The following SKAP2 variants were observed in gnomAD, a reference collection of about 807,000 sequenced individuals.
The protein encoded by SKAP2 is src kinase associated phosphoprotein 2.
A neutral mutation model predicts 54.9 loss-of-function variants in SKAP2; 28 were observed. The observed-to-expected ratio is 0.51, with a 90% CI of 0.38 to 0.70. The LOEUF (loss-of-function observed/expected upper bound fraction) is 0.70, where lower values mean the gene tolerates loss of function less well. Among genes scored for constraint, SKAP2 ranks in the 30% least tolerant of loss-of-function variants. The probability of loss-of-function intolerance (pLI) is 0.00; values close to 1 mark genes in which losing one functional copy is unlikely to be tolerated. For synonymous variants in SKAP2, 137 were observed against 134.3 expected (o/e 1.02, Z -0.14); for missense variants, 356 against 424.1 (o/e 0.84, Z 1.41).
At chr7:26,750,014 G>A (rs1782646565) in intron 4 of SKAP2, among the ~76,000 whole-genome samples, 1 of 151,652 alleles carries the variant, frequency 6.6e-6, no homozygotes, top group South Asian at 2.1e-4. Context: ...AAGAGGTTAA[G>A]TATTACTAAC....
chr7:26,820,805 T>G (rs1393156577), intron 4 of SKAP2, among the ~76,000 whole-genome samples: 1 of 152,222 alleles, frequency 6.6e-6, no homozygotes, highest in Non-Finnish European at 1.5e-5. Context: ...TGTTCAAACA[T>G]GGATAAAAAT....
At chr7:26,822,711 T>TA in intron 4 of SKAP2, among the ~76,000 whole-genome samples, 1 of 145,684 alleles carries the variant, frequency 6.9e-6, no homozygotes, top group Non-Finnish European at 1.5e-5. Flanking sequence ...CCGTCTCTAC[T>TA]AAAAATACAA....
intron 4 of SKAP2, among the ~76,000 whole-genome samples, chr7:26,796,151 C>G (rs1783773248): frequency 6.6e-6 from 1 of 152,170 alleles, no homozygotes; most frequent in Non-Finnish European, 1.5e-5. Flanking sequence ...TTACGCACCA[C>G]AGATCATACA....
At chr7:26,751,510 A>G (rs907820729) in intron 4 of SKAP2, among the ~76,000 whole-genome samples, 1 of 152,146 alleles carries the variant, frequency 6.6e-6, no homozygotes, top group Non-Finnish European at 1.5e-5. Context: ...TCTATTTAAG[A>G]AGGAAACTAT....
At chr7:26,666,594 G>A (rs1032070883), downstream of SKAP2, among the ~76,000 whole-genome samples, 2 of 152,016 alleles carry the variant, frequency 1.3e-5, no homozygotes, top group African/African-American at 2.4e-5. Context: ...AAACAAAAAC[G>A]AAACCCCATA....
intron 6 of SKAP2, among the ~76,000 whole-genome samples, chr7:26,735,862 A>C (rs1787920304): frequency 6.6e-6 from 1 of 152,202 alleles, no homozygotes; most frequent in African/African-American, 2.4e-5. Flanking sequence ...AAACTGTCTA[A>C]AGACAGATCT....
In SKAP2 at chr7:26,846,838, G is replaced by A. The variant is rs757672247; in HGVS notation, c.200-2701C>T. Among the ~76,000 whole-genome samples the A allele has an allele frequency of 1.2e-4, 19 of 152,088 alleles. 1 individual carries two copies. The highest frequency in any genetic ancestry group is 2.7e-4 in the African/African-American group (11 of 41,492). On this transcript the variant is annotated intron_variant, in intron 3 of 12. Coordinates refer to ENST00000345317, the MANE Select transcript of SKAP2 (RefSeq NM_003930.5). Reference sequence around the variant, plus strand: ...TCCACTAAATATACAAAAGTTAGCCGGGCATGATGGCAGGCACCTGTAATC... The same window carrying A: ...TCCACTAAATATACAAAAGTTAGCCAGGCATGATGGCAGGCACCTGTAATC...
At chr7:26,820,440 C>T (rs1584409247) in intron 4 of SKAP2, among the ~76,000 whole-genome samples, 1 of 144,016 alleles carries the variant, frequency 6.9e-6, no homozygotes, top group Non-Finnish European at 1.6e-5. Flanking sequence ...TTTGAAATTT[C>T]AAGATTATCT....
chr7:26,773,857 TG>T (rs1486140792), intron 4 of SKAP2, among the ~76,000 whole-genome samples: 1 of 152,142 alleles, frequency 6.6e-6, no homozygotes, highest in Non-Finnish European at 1.5e-5. Flanking sequence ...AGAATCAAAT[TG>T]CAACTAAAAC....
intron 4 of SKAP2, among the ~76,000 whole-genome samples, chr7:26,783,316 T>C (rs567112172): frequency 6.6e-6 from 1 of 152,278 alleles, no homozygotes; most frequent in Admixed American, 6.5e-5. Flanking sequence ...CCTGCCTTTA[T>C]TCTGGTCTTC....
intron 4 of SKAP2, among the ~76,000 whole-genome samples, chr7:26,818,216 C>T (rs1784312816): frequency 6.6e-6 from 1 of 152,162 alleles, no homozygotes; most frequent in South Asian, 2.1e-4. Context: ...ACCGAAACAG[C>T]ATGGCACTGG....
chr7:26,705,269 T>C (rs1787133068), intron 9 of SKAP2, among the ~76,000 whole-genome samples: 1 of 152,232 alleles, frequency 6.6e-6, no homozygotes, highest in Non-Finnish European at 1.5e-5. Context: ...TGTTATGCCA[T>C]AATTATGTAT....
chr7:26,725,786 T>A, intron 8 of SKAP2, 137 bp downstream of exon 8: 2 of 801,194 alleles, frequency 2.5e-6, no homozygotes, highest in Non-Finnish European at 4.0e-6. Context: ...CTGAAGTGAG[T>A]GGTCTGTATT....
intron 4 of SKAP2, among the ~76,000 whole-genome samples, chr7:26,813,527 G>A (rs906738581): frequency 6.6e-6 from 1 of 152,154 alleles, no homozygotes; most frequent in African/African-American, 2.4e-5. Flanking sequence ...AAGGACTATG[G>A]GTTGTGCAAA....
chr7:26,801,068 G>T (rs2127984662), intron 4 of SKAP2, among the ~76,000 whole-genome samples: 1 of 151,974 alleles, frequency 6.6e-6, no homozygotes, highest in Non-Finnish European at 1.5e-5. Flanking sequence ...AAAAATATAG[G>T]CCAATATATT....
intron 4 of SKAP2, among the ~76,000 whole-genome samples, chr7:26,743,946 C>T (rs1782508542): frequency 6.6e-6 from 1 of 152,216 alleles, no homozygotes; most frequent in Middle Eastern, 3.4e-3. Flanking sequence ...TAAAAGATAA[C>T]TCAAGAATTC....
At position 26,817,536 on chromosome 7, in the gene SKAP2, G is replaced by C. The variant is rs1411669319; in HGVS notation, c.307+26494C>G. Among the ~76,000 whole-genome samples the C allele has an allele frequency of 2.0e-5, 3 of 152,108 alleles. No homozygotes were observed. In the South Asian group the frequency reaches 6.2e-4, roughly 31 times the overall value. On this transcript the variant is annotated intron_variant, in intron 4 of 12. Coordinates refer to ENST00000345317, the MANE Select transcript of SKAP2 (RefSeq NM_003930.5). ...TGCATTTTTACCATCCAAAGGATTA[G>C]AATTCCAGTTGATACAATTGCAGAC...
downstream of SKAP2, among the ~76,000 whole-genome samples, chr7:26,664,978 C>G (rs1317683656): frequency 1.9e-4 from 29 of 152,096 alleles, no homozygotes. Context: ...TCAAAGCACT[C>G]AAGTTAACAT....
At chr7:26,749,051 C>T (rs947488990) in intron 4 of SKAP2, among the ~76,000 whole-genome samples, 3 of 152,128 alleles carry the variant, frequency 2.0e-5, no homozygotes, top group Non-Finnish European at 2.9e-5. Flanking sequence ...CTTATTACTA[C>T]TAGTATTTTT....
Sources: gnomAD v4.1 joint callset for allele counts (sites outside exome capture counted in the v4.1 genomes callset) on GRCh38, gnomAD v4.1.1 for gene constraint, MANE v1.5 for transcripts, NCBI Gene and HGNC (gene_info 2026-07-23, HGNC 2026-07-21) for gene names.